UGT2B17: variants seen among roughly 807,000 people sequenced by gnomAD.
UGT2B17 encodes the protein UDP glucuronosyltransferase family 2 member B17, also known as UDP-glucuronosyltransferase 2B17.
A neutral mutation model predicts 48.2 loss-of-function variants in UGT2B17; 21 were observed. That is an observed-to-expected ratio of 0.44 (90% CI 0.31 to 0.63). The LOEUF (loss-of-function observed/expected upper bound fraction) is 0.63. UGT2B17 is among the 20% of genes least tolerant of loss of function. UGT2B17 has a pLI of 0.08. For missense variants in UGT2B17, 402 were observed against 696.1 expected (o/e 0.58, Z 4.75); for synonymous variants, 146 against 238.4 (o/e 0.61, Z 3.57).
At position 68,538,498 on chromosome 4, in the gene UGT2B17, A is replaced by G. The variant is rs1730594172; in HGVS notation, c.1314-594T>C. Among the ~76,000 whole-genome samples, 6 of 125,222 alleles carry G rather than the reference A, an allele frequency of 4.8e-5. 2 individuals are homozygous for G. The highest frequency in any genetic ancestry group is 7.6e-4 in the South Asian group (2 of 2,646). 82.2% of individuals were successfully genotyped at this position (125,222 alleles called of 152,430 possible). On this transcript the variant is annotated intron_variant, in intron 6 of 6. Transcript: ENST00000317746. Reference sequence around the variant, plus strand: ...TCTAATCATTCTGCCTCTGTCTCCCAAAGTGTTGGCCCTACAGACATGAAC... The same window carrying G: ...TCTAATCATTCTGCCTCTGTCTCCCGAAGTGTTGGCCCTACAGACATGAAC...
rs1398949468 is a variant in UGT2B17 at position 68,561,011 on chromosome 4, G to A, written c.874-343C>T. Reference sequence around the variant, plus strand: ...TTATAATTACTAACATAGGTTATTGGAAGGTAGCTTTACTTGGCTTTAATT... The same window carrying A: ...TTATAATTACTAACATAGGTTATTGAAAGGTAGCTTTACTTGGCTTTAATT... On this transcript the variant is annotated intron_variant, in intron 3 of 6. Transcript: ENST00000317746. Among the ~76,000 whole-genome samples, 4 of 123,638 alleles carry A rather than the reference G, an allele frequency of 3.2e-5. 1 individual carries two copies. The highest frequency in any genetic ancestry group is 8.3e-5 in the Admixed American group (1 of 12,084). The allele number at this position is 123,638 out of a possible 152,430, so 81.1% of individuals were successfully genotyped here. A position where few individuals can be genotyped will look rare whatever the true frequency, so the allele number is the denominator to read the frequency against.
At chr4:68,553,626 G>A (rs1195026630) in intron 4 of UGT2B17, among the ~76,000 whole-genome samples, 1 of 125,614 alleles carries the variant, frequency 8.0e-6, no homozygotes, top group Non-Finnish European at 1.7e-5. Context: ...TTTTACCTTG[G>A]CGTGTGTAAT....
chr4:68,569,592 T>C lies in UGT2B17; in HGVS notation c.-64-1044A>G, dbSNP rs1341371236. On this transcript the variant is annotated intron_variant, in intron 1 of 6. Coordinates refer to ENST00000317746, the MANE Select transcript of UGT2B17 (RefSeq NM_001077.4). ...AAAGCTTGAAGGGATGAGTAACTCC[T>C]CCCTTCTCAGGCCCAGTCCCAAGAT... Among the ~76,000 whole-genome samples the C allele has an allele frequency of 1.6e-5, 2 of 124,352 alleles. 1 individual carries two copies. The allele number at this position is 124,352 out of a possible 152,430, so 81.6% of individuals were successfully genotyped here. A position where few individuals can be genotyped will look rare whatever the true frequency, so the allele number is the denominator to read the frequency against.
At chr4:68,553,170 C>T (rs1423287601) in intron 4 of UGT2B17, among the ~76,000 whole-genome samples, 1 of 125,510 alleles carries the variant, frequency 8.0e-6, no homozygotes, top group Non-Finnish European at 1.7e-5. Context: ...TCAGATTTGA[C>T]AAACTTTACC....
In UGT2B17 at chr4:68,558,058, G is replaced by A. The variant is rs1380564640; in HGVS notation, c.1005+2479C>T. 1.6e-5 allele frequency among the ~76,000 whole-genome samples: 2 copies of A among 123,518 alleles called. 1 individual carries two copies. The highest frequency in any genetic ancestry group is 3.4e-5 in the Non-Finnish European group (2 of 58,534). The allele number at this position is 123,518 out of a possible 152,430, so 81.0% of individuals were successfully genotyped here. On this transcript the variant is annotated intron_variant, in intron 4 of 6. Coordinates refer to ENST00000317746, the MANE Select transcript of UGT2B17 (RefSeq NM_001077.4). ...GTCCTATCTGAGATTCTTTCTATAAGACAAAGTTCCATCAAAGCCACTTTA... is the reference window on the plus strand; with the variant it reads ...GTCCTATCTGAGATTCTTTCTATAAAACAAAGTTCCATCAAAGCCACTTTA...
At chr4:68,564,288 A>ATTTT (rs1387074234) in intron 3 of UGT2B17, among the ~76,000 whole-genome samples, 1 of 87,416 alleles carries the variant, frequency 1.1e-5, no homozygotes, top group African/African-American at 6.7e-5. Context: ...ATATATATAT[A>ATTTT]TATATATTTT....
chr4:68,574,819 A>G (rs2109781811), intron 1 of UGT2B17, among the ~76,000 whole-genome samples: 1 of 125,276 alleles, frequency 8.0e-6, no homozygotes, highest in African/African-American at 2.7e-5. Flanking sequence ...TTCGCCAACA[A>G]TTTTTCAACA....
At chr4:68,546,362 A>G (rs1372541662) in intron 6 of UGT2B17, among the ~76,000 whole-genome samples, 2 of 126,846 alleles carry the variant, frequency 1.6e-5, no homozygotes, top group Non-Finnish European at 3.3e-5. Flanking sequence ...AAGACCTTTG[A>G]CAAAATTCAA....
rs753164059 is a variant in UGT2B17, at chr4:68,550,905, G to A, written c.1094-9C>T. On this transcript the variant is annotated splice_polypyrimidine_tract_variant and intron_variant, in intron 5 of 6. Coordinates refer to ENST00000317746, the MANE Select transcript of UGT2B17 (RefSeq NM_001077.4). ...TTTGGTTTTGGGATGACCTAAAAGT[G>A]GATGCATTTTAACAAAGTTATTAAT... 16 of 1,346,742 alleles carry A rather than the reference G, an allele frequency of 1.2e-5. 4 individuals are homozygous for A. Among genetic ancestry groups the A allele is most frequent in the Non-Finnish European group, 1.6e-5 (16 of 1,032,070 alleles). 83.4% of individuals were successfully genotyped at this position (1,346,742 alleles called of 1,614,324 possible).
At chr4:68,559,893 G>A (rs1446474134) in intron 4 of UGT2B17, among the ~76,000 whole-genome samples, 1 of 124,764 alleles carries the variant, frequency 8.0e-6, no homozygotes, top group Admixed American at 8.2e-5. Flanking sequence ...TAAGACATTA[G>A]CGGCACCCAA....
At position 68,548,990 on chromosome 4, in the gene UGT2B17, C is replaced by A. The variant is rs575735996; in HGVS notation, c.1313+1687G>T. Among the ~76,000 whole-genome samples the A allele has an allele frequency of 4.0e-5, 5 of 124,686 alleles. 2 individuals are homozygous for A. The East Asian group carries it at 2.3e-3, about 58-fold the overall frequency. The allele number at this position is 124,686 out of a possible 152,430, so 81.8% of individuals were successfully genotyped here. ...TCTTCTCTTTCTATTTATAGAATAC[C>A]CTTTATTTCTTTTTCTTGCCTGATT... is the stretch of plus-strand genomic sequence containing the variant. On this transcript the variant is annotated intron_variant, in intron 6 of 6. Coordinates refer to ENST00000317746, the MANE Select transcript of UGT2B17 (RefSeq NM_001077.4).
intron 6 of UGT2B17, among the ~76,000 whole-genome samples, chr4:68,546,675 C>G (rs1730815707): frequency 1.6e-5 from 2 of 125,326 alleles, no homozygotes; most frequent in Admixed American, 1.6e-4. Flanking sequence ...ATCTAGAAAA[C>G]CTGATCGTCT....
chr4:68,563,215 G>A (rs1731135003), intron 3 of UGT2B17, among the ~76,000 whole-genome samples: 1 of 127,276 alleles, frequency 7.9e-6, no homozygotes, highest in Non-Finnish European at 1.7e-5. Flanking sequence ...TAATGGAAAA[G>A]CAAGCAAATT....
At chr4:68,567,564 G>A (rs555904244) in intron 2 of UGT2B17, among the ~76,000 whole-genome samples, 197 bp downstream of exon 2, 1 of 125,056 alleles carries the variant, frequency 8.0e-6, no homozygotes, top group Non-Finnish European at 1.7e-5. Flanking sequence ...GTGTCCTATA[G>A]CAGTGATGGC....
chr4:68,574,502 C>T lies in UGT2B17; in HGVS notation c.-65+1449G>A, dbSNP rs1185450635. On this transcript the variant is annotated intron_variant, in intron 1 of 6. Coordinates refer to ENST00000317746, the MANE Select transcript of UGT2B17 (RefSeq NM_001077.4). ...ACCTGTTGCATTTTTACTTTCATGT[C>T]TAGTTCACAGAAAAACTGGATAATA... Among the ~76,000 whole-genome samples, 6 of 126,684 alleles carry T rather than the reference C, an allele frequency of 4.7e-5. 1 individual carries two copies. The highest frequency in any genetic ancestry group is 1.6e-4 in the African/African-American group (6 of 37,086). The allele number at this position is 126,684 out of a possible 152,430, so 83.1% of individuals were successfully genotyped here.
At chr4:68,541,870 C>A (rs1328014350) in intron 6 of UGT2B17, among the ~76,000 whole-genome samples, 1 of 126,604 alleles carries the variant, frequency 7.9e-6, no homozygotes, top group Non-Finnish European at 1.7e-5. Context: ...TATGGCCAGC[C>A]AGTTTCCCCA....
In UGT2B17 at chr4:68,540,186, C is replaced by T. The variant is rs1287965325; in HGVS notation, c.1314-2282G>A. Among the ~76,000 whole-genome samples the T allele has an allele frequency of 4.0e-5, 5 of 125,878 alleles. 1 individual carries two copies. The highest frequency in any genetic ancestry group is 2.4e-4 in the Admixed American group (3 of 12,286). The allele number at this position is 125,878 out of a possible 152,430, so 82.6% of individuals were successfully genotyped here. On this transcript the variant is annotated intron_variant, in intron 6 of 6. Coordinates refer to ENST00000317746, the MANE Select transcript of UGT2B17 (RefSeq NM_001077.4). ...TACAGATATATGTGCAATATATATA[C>T]ACACACACACATATAACACATAGGT...
In UGT2B17 at chr4:68,555,554, C is replaced by T. The variant is rs377530944; in HGVS notation, c.1006-3643G>A. ...AAAGCAAGATGGAGTTAGGTCAGAT[C>T]TTTTTCACTGTCTCAGTTATAATTT... On this transcript the variant is annotated intron_variant, in intron 4 of 6. Coordinates refer to ENST00000317746, the MANE Select transcript of UGT2B17 (RefSeq NM_001077.4). Among the ~76,000 whole-genome samples, 90 of 126,148 alleles carry T rather than the reference C, an allele frequency of 7.1e-4. 23 individuals carry two copies. In the South Asian group the frequency reaches 0.015, roughly 21 times the overall value. 82.8% of individuals were successfully genotyped at this position (126,148 alleles called of 152,430 possible).
chr4:68,573,776 C>T (rs1731329045), intron 1 of UGT2B17, among the ~76,000 whole-genome samples: 1 of 126,540 alleles, frequency 7.9e-6, no homozygotes. Flanking sequence ...GATTGATAAG[C>T]TCTTGAAAAT....
Sources: gnomAD v4.1 joint callset for allele counts (sites outside exome capture counted in the v4.1 genomes callset) on GRCh38, gnomAD v4.1.1 for gene constraint, MANE v1.5 for transcripts, NCBI Gene and HGNC (gene_info 2026-07-23, HGNC 2026-07-21) for gene names.